The following DYNC2H1 variants were observed in gnomAD, a reference collection of about 807,000 sequenced individuals.
DYNC2H1 encodes the protein cytoplasmic dynein 2 heavy chain 1.
In DYNC2H1, 410 loss-of-function variants were observed where a neutral mutation model predicts 570.0. The observed-to-expected ratio is 0.72, with a 90% CI of 0.66 to 0.78. The LOEUF (loss-of-function observed/expected upper bound fraction) is 0.78, where lower values mean the gene tolerates loss of function less well. DYNC2H1 is among the 30% of genes least tolerant of loss of function. DYNC2H1 has a pLI of 0.00. For synonymous variants in DYNC2H1, 1,688 were observed against 1,677.6 expected, an observed-to-expected ratio of 1.01 and a Z score of -0.15; for missense variants, 4,865 against 5,046.4, an observed-to-expected ratio of 0.96 and a Z score of 1.09.
In DYNC2H1 at chr11:103,324,985, T is replaced by C. The variant is rs1938396331; in HGVS notation, c.12039+995T>C. 6.6e-6 allele frequency among the ~76,000 whole-genome samples: 1 copy of C among 152,176 alleles called. No individual in the cohort carries two copies. Among genetic ancestry groups the C allele is most frequent in the Admixed American group, 6.5e-5 (1 of 15,290 alleles). On this transcript the variant is annotated intron_variant, in intron 82 of 88. Coordinates refer to ENST00000375735, the MANE Select transcript of DYNC2H1 (RefSeq NM_001377.3). The surrounding 1 kb of genome is among the most constrained non-coding windows in gnomAD (Gnocchi z 5.2). ...TCACAATGTCAAATATTTTTTCATATGTTTATTGGCCGTATGTATGTCTTC... is the reference window on the plus strand; with the variant it reads ...TCACAATGTCAAATATTTTTTCATACGTTTATTGGCCGTATGTATGTCTTC...
intron 82 of DYNC2H1, among the ~76,000 whole-genome samples, chr11:103,356,472 A>G (rs1940345825): frequency 6.6e-6 from 1 of 151,994 alleles, no homozygotes; most frequent in Non-Finnish European, 1.5e-5. Flanking sequence ...ATCATGCACA[A>G]AAAAATTTGC....
At position 103,241,961 on chromosome 11, in the gene DYNC2H1, G is replaced by A. The variant is rs149944737; in HGVS notation, c.9820-1732G>A. Among the ~76,000 whole-genome samples the A allele has an allele frequency of 4.6e-5, 7 of 151,960 alleles. No homozygotes were observed. The highest frequency in any genetic ancestry group is 1.9e-4 in the East Asian group (1 of 5,168). ...CAGCATTGGTGATATAAAACTATTC[G>A]TCCACAGGGCAGATAATTCCCACTA... On this transcript the variant is annotated intron_variant, in intron 63 of 88. Transcript: ENST00000375735. This position sits in a 1 kb window ranked among gnomAD's most constrained non-coding sequence, Gnocchi z 5.1.
In DYNC2H1 at chr11:103,305,938, A is replaced by T. The variant is rs1867264086; in HGVS notation, c.11382+1218A>T. Among the ~76,000 whole-genome samples, 1 of 152,110 alleles carries T rather than the reference A, an allele frequency of 6.6e-6. No homozygotes were observed. Among genetic ancestry groups the T allele is most frequent in the African/African-American group, 2.4e-5 (1 of 41,426 alleles). On this transcript the variant is annotated intron_variant, in intron 77 of 88. Transcript: ENST00000375735. This position sits in a 1 kb window ranked among gnomAD's most constrained non-coding sequence, Gnocchi z 4.3. ...TGTTTTGGGTTTTTTTTGAGACAGA[A>T]TCTTGCTCTGTTACCCAGGCTGGAG...
intron 55 of DYNC2H1, among the ~76,000 whole-genome samples, chr11:103,218,179 A>G (rs1055954245): frequency 6.6e-6 from 1 of 152,200 alleles, no homozygotes; most frequent in Non-Finnish European, 1.5e-5. Flanking sequence ...AAAGTTAAAC[A>G]TATCTTAGTA....
intron 84 of DYNC2H1, among the ~76,000 whole-genome samples, chr11:103,426,377 G>A (rs1943673441): frequency 1.3e-5 from 2 of 152,058 alleles, no homozygotes; most frequent in African/African-American, 4.8e-5. Context: ...TGCTGGATTA[G>A]GATCTCCACA....
intron 84 of DYNC2H1, among the ~76,000 whole-genome samples, chr11:103,417,647 G>A (rs1223033601): frequency 8.8e-6 from 1 of 114,214 alleles, no homozygotes; most frequent in Non-Finnish European, 1.8e-5. Flanking sequence ...GGGAGGTCAA[G>A]GCAGGCAGAT....
rs116832816 is a variant in DYNC2H1, at chr11:103,395,579, A to G, written c.12157-4084A>G. ...TTATTATCACAGAATTATTGCAGCT[A>G]TTCTCTAATTTATGATCCCTCAGGT... On this transcript the variant is annotated intron_variant, in intron 83 of 88. Transcript: ENST00000375735. This position sits in a 1 kb window ranked among gnomAD's most constrained non-coding sequence, Gnocchi z 4.3. Among the ~76,000 whole-genome samples the G allele has an allele frequency of 0.01, 1,562 of 152,102 alleles. 34 individuals carry two copies. Among genetic ancestry groups the G allele is most frequent in the African/African-American group, 0.034 (1,427 of 41,476 alleles).
At chr11:103,213,637 A>T (rs1254921375) in intron 54 of DYNC2H1, among the ~76,000 whole-genome samples, 1 of 152,030 alleles carries the variant, frequency 6.6e-6, no homozygotes, top group Non-Finnish European at 1.5e-5. Context: ...TAAAAAAAAA[A>T]AATCTATTCA....
Position 103,369,207 on chromosome 11 carries a change from G to A in DYNC2H1, c.12156+10848G>A, listed in dbSNP as rs896967746. Among the ~76,000 whole-genome samples the A allele has an allele frequency of 1.3e-5, 2 of 152,122 alleles. No homozygotes were observed. Among genetic ancestry groups the A allele is most frequent in the Admixed American group, 6.5e-5 (1 of 15,270 alleles). ...TTTGTGAGGCACTGAACCCAGTGCT[G>A]CCCTATTATAACAGAAAACAAAATG... On this transcript the variant is annotated intron_variant, in intron 83 of 88. Coordinates refer to ENST00000375735, the MANE Select transcript of DYNC2H1 (RefSeq NM_001377.3). The surrounding 1 kb of genome is among the most constrained non-coding windows in gnomAD (Gnocchi z 4.0).
chr11:103,224,000 C>T (rs1023024659), intron 59 of DYNC2H1, among the ~76,000 whole-genome samples: 10 of 152,042 alleles, frequency 6.6e-5, no homozygotes, highest in African/African-American at 2.4e-4. Flanking sequence ...CCCACCTCCG[C>T]CTCCCAAAGT....
rs750714363 is a variant in DYNC2H1 at position 103,177,865 on chromosome 11, G to C, written c.6139+45G>C. 1.3e-6 allele frequency: 2 copies of C among 1,542,440 alleles called. No homozygotes were observed. The highest frequency in any genetic ancestry group is 1.4e-5 in the African/African-American group (1 of 71,370). On this transcript the variant is annotated intron_variant, in intron 38 of 88. Transcript: ENST00000375735. This position sits in a 1 kb window ranked among gnomAD's most constrained non-coding sequence, Gnocchi z 4.4. ...TCTTTGCTTTACTTAGTAATTCTTA[G>C]ATAATGATATAATTTGTCTATAATG...
At chr11:103,218,538 A>G (rs1233220378) in intron 55 of DYNC2H1, among the ~76,000 whole-genome samples, 2 of 152,188 alleles carry the variant, frequency 1.3e-5, no homozygotes, top group Non-Finnish European at 2.9e-5. Flanking sequence ...ACCTTAAAAG[A>G]GTTGTTTGAA....
chr11:103,289,189 C>T lies in DYNC2H1; in HGVS notation c.11095+1584C>T, dbSNP rs1236159318. Among the ~76,000 whole-genome samples, 1 of 152,176 alleles carries T rather than the reference C, an allele frequency of 6.6e-6. No homozygotes were observed. On this transcript the variant is annotated intron_variant, in intron 75 of 88. Transcript: ENST00000375735. The surrounding 1 kb of genome is among the most constrained non-coding windows in gnomAD (Gnocchi z 4.2). The stretch of plus-strand genomic sequence containing the variant: ...GCACTCCCCACTTCCTAAGCCCCTA[C>T]TCACCAAATCGTCTTTAAAAACTCT...
intron 63 of DYNC2H1, among the ~76,000 whole-genome samples, chr11:103,238,080 G>T (rs1431117310): frequency 6.6e-6 from 1 of 152,044 alleles, no homozygotes; most frequent in African/African-American, 2.4e-5. Flanking sequence ...CAGTTTTAAG[G>T]TGTACTAGAT....
At chr11:103,323,038 C>T (rs865917174) in intron 81 of DYNC2H1, among the ~76,000 whole-genome samples, 1 of 152,156 alleles carries the variant, frequency 6.6e-6, no homozygotes, top group African/African-American at 2.4e-5. Context: ...GGAAATACTT[C>T]AGGGTCAGCT....
In DYNC2H1 at chr11:103,174,131, C is replaced by A; in HGVS notation, c.5635C>A (p.Leu1879Ile). The A allele has an allele frequency of 1.3e-6, 2 of 1,587,160 alleles. No individual in the cohort carries two copies. Among genetic ancestry groups the A allele is most frequent in the East Asian group, 2.3e-5 (1 of 43,986 alleles). ...GACAGTTCTGAGAGGAAGTGGAAAT[C>A]TCCTTAGACAGCTAAACAAAAGTGG... ...LKTVLRGSGN[L>I]LRQLNKSGTT... is the part of the protein sequence containing the mutation. The change falls in exon 36 of 89, where the codon CTC becomes ATC. Residue 1879 changes from leucine (L) to isoleucine (I), a missense_variant. Physicochemically the swap from Leu to Ile is conservative, Grantham distance 5 (BLOSUM62 2). This residue lies in a region of DYNC2H1 where 292 missense variants were observed against 300.2 expected (regional missense o/e 0.97). Transcript: ENST00000375735.
At chr11:103,470,426 CTTTTT>C (rs1436081899) in intron 88 of DYNC2H1, among the ~76,000 whole-genome samples, 3 of 144,500 alleles carry the variant, frequency 2.1e-5, no homozygotes, top group Admixed American at 7.2e-5. Context: ...TACTCTTTTT[CTTTTT>C]ATTATTATTC....
rs1944425366 is a variant in DYNC2H1, at chr11:103,446,454, AATC to A, written c.12457-8729_12457-8727del. Among the ~76,000 whole-genome samples the A allele has an allele frequency of 6.6e-6, 1 of 152,204 alleles. No individual in the cohort carries two copies. Among genetic ancestry groups the A allele is most frequent in the Non-Finnish European group, 1.5e-5 (1 of 68,036 alleles). ...AATGCTGTAAGTGAGGTTAGAGAAAAATCATGTTTGGCAACATGGAAGACGTTG... is the reference window on the plus strand; with the variant it reads ...AATGCTGTAAGTGAGGTTAGAGAAAAATGTTTGGCAACATGGAAGACGTTG... On this transcript the variant is annotated intron_variant, in intron 85 of 88. Transcript: ENST00000375735. This position sits in a 1 kb window ranked among gnomAD's most constrained non-coding sequence, Gnocchi z 4.5.
intron 40 of DYNC2H1, among the ~76,000 whole-genome samples, chr11:103,183,219 C>A (rs1861927166): frequency 6.6e-6 from 1 of 151,840 alleles, no homozygotes. Context: ...ATTGTGACAC[C>A]TTTTCAGTAG....
Sources: allele counts gnomAD v4.1 joint callset (sites outside exome capture counted in the v4.1 genomes callset), GRCh38; gene constraint gnomAD v4.1.1; regional missense constraint gnomAD v4.1.1; non-coding constraint Gnocchi (gnomAD v3.1); transcripts MANE v1.5; gene names NCBI Gene and HGNC (gene_info 2026-07-23, HGNC 2026-07-21).